ANK2: variants seen among roughly 807,000 people sequenced by gnomAD.
ANK2 encodes ankyrin 2, also known as ankyrin-2.
ANK2 carries 83 observed loss-of-function variants against 360.5 expected under a neutral mutation model. That is an observed-to-expected ratio of 0.23 (90% CI 0.19 to 0.28). The LOEUF is 0.28. Among genes scored for constraint, ANK2 ranks in the 10% least tolerant of loss-of-function variants. ANK2 has a pLI of 1.00. For missense variants in ANK2, 4,201 were observed against 4,795.7 expected (o/e 0.88, Z 3.66); for synonymous variants, 1,740 against 1,759.5 (o/e 0.99, Z 0.28).
At chr4:113,196,517 T>C (rs1450600338) in intron 3 of ANK2, 51 bp downstream of exon 3, 1 of 1,428,788 alleles carries the variant, frequency 7.0e-7, no homozygotes, top group Non-Finnish European at 9.8e-7. Context: ...GCGAAAATAA[T>C]TTAAAGCTTT....
rs1057523121 is a variant in ANK2, at chr4:113,363,351, A to G, written c.10770A>G (p.Glu3590=). Residue 3590 remains glutamate (E), a synonymous_variant, in exon 40 of 46, where the codon GAA becomes GAG. Coordinates refer to ENST00000357077, the MANE Select transcript of ANK2 (RefSeq NM_001148.6). The part of the protein sequence containing the change: ...LGFSWTELAR[E]LDFTEEQIHQ... The stretch of plus-strand genomic sequence containing the variant: ...TTTATCTTCTAGAATTAGCAAGAGA[A>G]CTGGATTTCACTGAGGAGCAAATTC... 6.2e-7 allele frequency: 1 copy of G among 1,613,232 alleles called. No homozygotes were observed. The highest frequency in any genetic ancestry group is 8.5e-7 in the Non-Finnish European group (1 of 1,179,520).
At chr4:112,798,940 T>G in the ANK2 span, among the ~76,000 whole-genome samples, 2 of 152,210 alleles carry the variant, frequency 1.3e-5, no homozygotes, top group Non-Finnish European at 2.9e-5. Context: ...TTTTTTCATC[T>G]TGCAAAACTG....
At chr4:113,317,233 G>A (rs935721701) in intron 24 of ANK2, among the ~76,000 whole-genome samples, 3 of 152,198 alleles carry the variant, frequency 2.0e-5, no homozygotes, top group African/African-American at 7.2e-5. Context: ...CATAGAGAGA[G>A]AATGGAAAAT....
At chr4:113,111,553 GC>G (rs1378889302) in intron 1 of ANK2, among the ~76,000 whole-genome samples, 1 of 152,044 alleles carries the variant, frequency 6.6e-6, no homozygotes, top group African/African-American at 2.4e-5. Flanking sequence ...TATACCCAGA[GC>G]TTTTATAAAA....
At chr4:113,135,752 A>G (rs1288658235) in intron 1 of ANK2, among the ~76,000 whole-genome samples, 3 of 152,126 alleles carry the variant, frequency 2.0e-5, no homozygotes, top group Non-Finnish European at 2.9e-5. Context: ...GGCCATTGGC[A>G]TTTTTGTTCT....
At chr4:112,991,250 A>AG (rs1220997380) in intron 2 of ANK2, among the ~76,000 whole-genome samples, 1 of 151,750 alleles carries the variant, frequency 6.6e-6, no homozygotes, top group East Asian at 1.9e-4. Context: ...AAAAAAAAAA[A>AG]AAAATCAAGA....
At chr4:112,923,235 G>T (rs1022755968) in intron 2 of ANK2, among the ~76,000 whole-genome samples, 1 of 152,044 alleles carries the variant, frequency 6.6e-6, no homozygotes, top group African/African-American at 2.4e-5. Flanking sequence ...TTTAAAAATT[G>T]CTCTAAGGGA....
intron 23 of ANK2, among the ~76,000 whole-genome samples, chr4:113,304,720 G>A (rs1426530224): frequency 1.3e-5 from 2 of 152,060 alleles, no homozygotes; most frequent in Non-Finnish European, 2.9e-5. Flanking sequence ...TATTTTAGGT[G>A]TGATTAAAAA....
At chr4:113,031,903 T>A (rs935554755) in intron 2 of ANK2, among the ~76,000 whole-genome samples, 8 of 152,196 alleles carry the variant, frequency 5.3e-5, no homozygotes, top group Non-Finnish European at 2.9e-5. Context: ...TTTTTCTTTT[T>A]GAAAACAAGA....
intron 2 of ANK2, among the ~76,000 whole-genome samples, chr4:112,911,142 G>C (rs2087119588): frequency 6.9e-6 from 1 of 144,812 alleles, no homozygotes; most frequent in Non-Finnish European, 1.5e-5. Flanking sequence ...ATTTTTAGTA[G>C]AGACTTTAGT....
intron 1 of ANK2, among the ~76,000 whole-genome samples, chr4:113,115,483 A>G (rs1188706776): frequency 1.3e-5 from 2 of 152,132 alleles, no homozygotes; most frequent in East Asian, 3.9e-4. Flanking sequence ...GATCCATGCC[A>G]TGGTGATTAC....
chr4:112,845,567 G>A (rs560533366), intron 1 of ANK2, among the ~76,000 whole-genome samples: 95 of 152,278 alleles, frequency 6.2e-4, no homozygotes, highest in Admixed American at 3.1e-3. Context: ...GGGCAGGTAC[G>A]TGGAGCCCTC....
At chr4:113,366,414 T>TA in intron 41 of ANK2, among the ~76,000 whole-genome samples, 1 of 147,444 alleles carries the variant, frequency 6.8e-6, no homozygotes, top group African/African-American at 2.5e-5. Context: ...TTTTTTTTTT[T>TA]AACTTTACTG....
chr4:112,893,369 C>T (rs1420026546), intron 1 of ANK2, among the ~76,000 whole-genome samples: 1 of 152,056 alleles, frequency 6.6e-6, no homozygotes, highest in Non-Finnish European at 1.5e-5. Flanking sequence ...CCCTATGTTT[C>T]CTAGGCTGGT....
intron 1 of ANK2, among the ~76,000 whole-genome samples, chr4:113,089,042 C>G (rs1214674463): frequency 6.6e-6 from 1 of 152,120 alleles, no homozygotes; most frequent in Non-Finnish European, 1.5e-5. Flanking sequence ...GGCTTTCTTA[C>G]CTGGTGGTCT....
At chr4:113,247,106 G>C (rs184586279) in intron 9 of ANK2, among the ~76,000 whole-genome samples, 77 of 148,678 alleles carry the variant, frequency 5.2e-4, no homozygotes, top group African/African-American at 1.8e-3. Context: ...CTACCTTTAT[G>C]AAAATTATCC....
intron 4 of ANK2, among the ~76,000 whole-genome samples, chr4:113,205,723 C>T (rs1245882125): frequency 6.6e-6 from 1 of 152,144 alleles, no homozygotes; most frequent in Non-Finnish European, 1.5e-5. Flanking sequence ...AATGTCTTTT[C>T]AGTTGTGGCT....
At chr4:112,919,068 C>T (rs2090755029) in intron 2 of ANK2, among the ~76,000 whole-genome samples, 1 of 152,080 alleles carries the variant, frequency 6.6e-6, no homozygotes, top group Non-Finnish European at 1.5e-5. Context: ...CCTTTTAGGC[C>T]TGAGTAAAGT....
the ANK2 span, among the ~76,000 whole-genome samples, chr4:112,784,644 G>C: frequency 2.6e-5 from 4 of 151,922 alleles, no homozygotes; most frequent in Non-Finnish European, 4.4e-5. Flanking sequence ...CGTCCGGCCC[G>C]GGCTGGTCTT....
Sources: allele counts gnomAD v4.1 joint callset (sites outside exome capture counted in the v4.1 genomes callset), GRCh38; gene constraint gnomAD v4.1.1; transcripts MANE v1.5; gene names NCBI Gene and HGNC (gene_info 2026-07-23, HGNC 2026-07-21).